The following ABCB9 variants were observed in gnomAD, a reference collection of about 807,000 sequenced individuals.
ABCB9 encodes ABC-type oligopeptide transporter ABCB9.
ABCB9 carries 36 observed loss-of-function variants against 62.0 expected under a neutral mutation model. The observed-to-expected ratio is 0.58, with a 90% CI of 0.45 to 0.77. ABCB9 has a LOEUF of 0.77. Ranked by LOEUF, ABCB9 falls within the 30% of genes least tolerant of loss-of-function variation. ABCB9 has a pLI of 0.00. For synonymous variants in ABCB9, 435 were observed against 461.4 expected (o/e 0.94, Z 0.73); for missense variants, 943 against 1,054.7 (o/e 0.89, Z 1.47).
chr12:122,928,551 C>A (rs2034972487), downstream of ABCB9, among the ~76,000 whole-genome samples: 6 of 152,142 alleles, frequency 3.9e-5, no homozygotes, highest in South Asian at 1.2e-3. Context: ...CTTCACAATT[C>A]AGCAAGTAAG....
Position 122,941,889 on chromosome 12 carries a change from A to G in ABCB9, c.1381-894T>C, listed in dbSNP as rs574171636. Among the ~76,000 whole-genome samples, 5 of 151,652 alleles carry G rather than the reference A, an allele frequency of 3.3e-5. No homozygotes were observed. In the East Asian group the frequency reaches 9.9e-4, roughly 30 times the overall value. On this transcript the variant is annotated intron_variant, in intron 7 of 11. Transcript: ENST00000280560. The stretch of plus-strand genomic sequence containing the variant: ...ACAGGCATGAGCCACTACTAAGCCC[A>G]GTTAATTTTTTGTATTTTCAGTAGA...
In ABCB9 at chr12:122,930,413, T is replaced by C. The variant is rs149131807; in HGVS notation, c.2041-242A>G. Reference sequence around the variant, plus strand: ...CTTCTGGTCCTTCCCTTCCCCCTCCTTTTTTTTTTTTTTTTTTTTTAAGTC... The same window carrying C: ...CTTCTGGTCCTTCCCTTCCCCCTCCCTTTTTTTTTTTTTTTTTTTTAAGTC... On this transcript the variant is annotated intron_variant, in intron 11 of 11. Transcript: ENST00000280560. The surrounding 1 kb of genome is among the most constrained non-coding windows in gnomAD (Gnocchi z 4.9). 4.3e-5 allele frequency among the ~76,000 whole-genome samples: 5 copies of C among 115,142 alleles called. No homozygotes were observed. Among genetic ancestry groups the C allele is most frequent in the South Asian group, 2.6e-4 (1 of 3,916 alleles). The allele number at this position is 115,142 out of a possible 152,430, so 75.5% of individuals were successfully genotyped here.
In ABCB9 at chr12:122,950,490, C is replaced by T; in HGVS notation, c.677G>A (p.Ser226Asn). 6.2e-7 allele frequency: 1 copy of T among 1,613,186 alleles called. No individual in the cohort carries two copies. The highest frequency in any genetic ancestry group is 8.5e-7 in the Non-Finnish European group (1 of 1,179,974). ...CAGGCACACGATGACGACAGCCGTG[C>T]TGAACTGATCCATGCTTTTCTGGAT... ...IVIQKSMDQF[S>N]TAVVIVCLLA... The change falls in exon 3 of 12, where the codon AGC (serine) becomes AAC (asparagine). Residue 226 changes from serine to asparagine, a missense_variant. Transcript: ENST00000280560.
rs904168565 is a variant in ABCB9, at chr12:122,932,480, A to G, written c.1904-152T>C. 1.4e-5 allele frequency: 15 copies of G among 1,046,620 alleles called. No individual in the cohort carries two copies. The South Asian group carries it at 2.4e-4, about 17-fold the overall frequency. The allele number at this position is 1,046,620 out of a possible 1,614,324, so 64.8% of individuals were successfully genotyped here. On this transcript the variant is annotated intron_variant, in intron 10 of 11. Coordinates refer to ENST00000280560, the MANE Select transcript of ABCB9 (RefSeq NM_019625.4). The surrounding 1 kb of genome is among the most constrained non-coding windows in gnomAD (Gnocchi z 4.7). ...AAATGATGTTCCCCCCACCCAACTC[A>G]TAAGGGGCATGCAGATTAAGCCTAC...
chr12:122,970,804 C>T (rs1444557020), upstream of ABCB9, among the ~76,000 whole-genome samples: 1 of 152,170 alleles, frequency 6.6e-6, no homozygotes, highest in African/African-American at 2.4e-5. Context: ...CACTGTGGTA[C>T]ACCCAGACAA....
At chr12:122,920,629 G>A (rs946238709), downstream of ABCB9, among the ~76,000 whole-genome samples, 2 of 152,258 alleles carry the variant, frequency 1.3e-5, no homozygotes, top group South Asian at 4.1e-4. Context: ...AGTGGGCCAG[G>A]CATAGTGGCT....
At position 122,929,894 on chromosome 12, in the gene ABCB9, G is replaced by A; in HGVS notation, c.*17C>T. Reference sequence around the variant, plus strand: ...CACCGGGTCCTCTGCCCCACCGGGAGAAGCAGGGGCCCCCCATCAGGCCTT... The same window carrying A: ...CACCGGGTCCTCTGCCCCACCGGGAAAAGCAGGGGCCCCCCATCAGGCCTT... On this transcript the variant is annotated 3_prime_UTR_variant, in exon 12 of 12. Coordinates refer to ENST00000280560, the MANE Select transcript of ABCB9 (RefSeq NM_019625.4). This position sits in a 1 kb window ranked among gnomAD's most constrained non-coding sequence, Gnocchi z 6.0. The A allele has an allele frequency of 6.6e-7, 1 of 1,518,104 alleles. No homozygotes were observed. 94.0% of individuals were successfully genotyped at this position (1,518,104 alleles called of 1,614,324 possible).
intron 1 of ABCB9, among the ~76,000 whole-genome samples, chr12:122,972,474 C>T (rs2037288328): frequency 6.6e-6 from 1 of 151,978 alleles, no homozygotes; most frequent in Non-Finnish European, 1.5e-5. Context: ...GATCTGGGTG[C>T]TGGTTACATG....
At chr12:122,921,060 T>TA (rs2034734520) in intron 11 of ABCB9, 1 of 1,535,290 alleles carries the variant, frequency 6.5e-7, no homozygotes, top group African/African-American at 1.4e-5. Flanking sequence ...AGATAATAAA[T>TA]ATGCTTGCTA....
At chr12:122,922,937 G>T (rs1445346056) in intron 11 of ABCB9, among the ~76,000 whole-genome samples, 1 of 151,672 alleles carries the variant, frequency 6.6e-6, no homozygotes, top group African/African-American at 2.4e-5. Context: ...GAGACTATAG[G>T]CACACGCCAC....
At chr12:122,966,133 G>A (rs976951875) in intron 1 of ABCB9, among the ~76,000 whole-genome samples, 154 bp downstream of exon 1, 5 of 152,236 alleles carry the variant, frequency 3.3e-5, no homozygotes, top group African/African-American at 7.2e-5. Context: ...GCGGCTGCGG[G>A]CTCCGGGAGG....
chr12:122,936,901 T>C (rs956749066), intron 9 of ABCB9, among the ~76,000 whole-genome samples: 2 of 142,588 alleles, frequency 1.4e-5, no homozygotes, highest in African/African-American at 5.2e-5. Flanking sequence ...CAAAACTCCA[T>C]CTCAAAAAAA....
chr12:122,949,752 AG>A (rs1421655278), intron 4 of ABCB9, 35 bp downstream of exon 4: 1 of 1,611,396 alleles, frequency 6.2e-7, no homozygotes, highest in African/African-American at 1.3e-5. Flanking sequence ...GGTGGGGCCC[AG>A]CCCCCAGGAC....
rs1211382252 is a variant in ABCB9, at chr12:122,964,473, T to G, written c.-88+1814A>C. ...GCTGGGGCAGAGCAGTGCTAGCACC[T>G]GGGTCCCTGCCCCCAAGCACTAGTC... On this transcript the variant is annotated intron_variant, in intron 1 of 11. Coordinates refer to ENST00000280560, the MANE Select transcript of ABCB9 (RefSeq NM_019625.4). The surrounding 1 kb of genome is among the most constrained non-coding windows in gnomAD (Gnocchi z 4.7). Among the ~76,000 whole-genome samples, 3 of 152,248 alleles carry G rather than the reference T, an allele frequency of 2.0e-5. No homozygotes were observed. The highest frequency in any genetic ancestry group is 4.4e-5 in the Non-Finnish European group (3 of 68,044).
Position 122,940,027 on chromosome 12 carries a change from C to G in ABCB9, c.1743+84G>C, listed in dbSNP as rs1351416393. On this transcript the variant is annotated intron_variant, in intron 9 of 11. Transcript: ENST00000280560. This position sits in a 1 kb window ranked among gnomAD's most constrained non-coding sequence, Gnocchi z 4.8. Reference sequence around the variant, plus strand: ...GAACTGTCCATTTATCTCTAGTGCCCTCTTCCGCACCTGTTACAGCTCACA... The same window carrying G: ...GAACTGTCCATTTATCTCTAGTGCCGTCTTCCGCACCTGTTACAGCTCACA... 5 of 1,492,042 alleles carry G rather than the reference C, an allele frequency of 3.4e-6. No individual in the cohort carries two copies. The East Asian group carries it at 7.5e-5, about 22-fold the overall frequency. The allele number at this position is 1,492,042 out of a possible 1,614,324, so 92.4% of individuals were successfully genotyped here. A position where few individuals can be genotyped will look rare whatever the true frequency, so the allele number is the denominator to read the frequency against.
chr12:122,950,719 C>T (rs2036322172), intron 2 of ABCB9, 154 bp from the exon 3 acceptor site: 2 of 615,786 alleles, frequency 3.2e-6, no homozygotes, highest in Non-Finnish European at 5.7e-6. Flanking sequence ...TCGTGGGGCC[C>T]CAGGGTGCTT....
At chr12:122,965,384 C>G (rs1415922263) in intron 1 of ABCB9, among the ~76,000 whole-genome samples, 1 of 152,224 alleles carries the variant, frequency 6.6e-6, no homozygotes, top group African/African-American at 2.4e-5. Context: ...CCATTCGCTG[C>G]GCAGCAAAGC....
rs2036016420 is a variant in ABCB9 at position 122,945,888 on chromosome 12, A to G, written c.1251+137T>C. 10 of 910,968 alleles carry G rather than the reference A, an allele frequency of 1.1e-5. No homozygotes were observed. In the South Asian group the frequency reaches 1.6e-4, roughly 15 times the overall value. 56.4% of individuals were successfully genotyped at this position (910,968 alleles called of 1,614,324 possible). ...GTGAGGCTCTGTCTCAAAAAAAAAA[A>G]AAAAAAAAAAGAAAGACAGACAGAT... On this transcript the variant is annotated intron_variant, in intron 6 of 11. Coordinates refer to ENST00000280560, the MANE Select transcript of ABCB9 (RefSeq NM_019625.4).
rs557718562 is a variant in ABCB9, at chr12:122,962,202, G to A, written c.-87-1880C>T. 9.8e-5 allele frequency among the ~76,000 whole-genome samples: 15 copies of A among 152,312 alleles called. No homozygotes were observed. The South Asian group carries it at 1.2e-3, about 13-fold the overall frequency. ...CTCCCCCAGAGCCGCAGGGACACCC[G>A]GGAAGTGGGCCTGGAGGCCTGAGTT... is the stretch of plus-strand genomic sequence containing the variant. On this transcript the variant is annotated intron_variant, in intron 1 of 11. Coordinates refer to ENST00000280560, the MANE Select transcript of ABCB9 (RefSeq NM_019625.4).
Sources: gnomAD v4.1 joint callset for allele counts (sites outside exome capture counted in the v4.1 genomes callset) on GRCh38, gnomAD v4.1.1 for gene constraint, Gnocchi (gnomAD v3.1) non-coding constraint, MANE v1.5 for transcripts, NCBI Gene and HGNC (gene_info 2026-07-23, HGNC 2026-07-21) for gene names.